The following STUM variants were observed in gnomAD, a reference collection of about 807,000 sequenced individuals.
The protein encoded by STUM is stum, mechanosensory transduction mediator homolog, also known as protein stum homolog.
A neutral mutation model predicts 15.3 loss-of-function variants in STUM; 8 were observed. The ratio of observed to expected loss-of-function variants is 0.52; its 90% CI spans 0.31 to 0.94. The LOEUF is 0.94. STUM is among the 40% of genes least tolerant of loss of function. The pLI is 0.05. For synonymous variants in STUM, 78 were observed against 88.7 expected (o/e 0.88, Z 0.68); for missense variants, 142 against 204.9 (o/e 0.69, Z 1.87).
chr1:226,578,026 G>T (rs1444272127), intron 1 of STUM, among the ~76,000 whole-genome samples: 4 of 152,152 alleles, frequency 2.6e-5, no homozygotes, highest in Non-Finnish European at 5.9e-5. Flanking sequence ...TGATGAGATA[G>T]TATCATGAGA....
At chr1:226,599,096 A>C (rs1343017465) in intron 2 of STUM, among the ~76,000 whole-genome samples, 1 of 152,172 alleles carries the variant, frequency 6.6e-6, no homozygotes. Flanking sequence ...AGAACACTGC[A>C]GGAAACACCC....
At chr1:226,594,415 ATG>A (rs1337157772) in intron 1 of STUM, among the ~76,000 whole-genome samples, 1 of 152,222 alleles carries the variant, frequency 6.6e-6, no homozygotes, top group Admixed American at 6.5e-5. Context: ...AACGTGAGGA[ATG>A]TGACAATGGT....
In STUM at chr1:226,600,519, T is replaced by C. The variant is rs991527786; in HGVS notation, c.383-147T>C. The C allele has an allele frequency of 3.2e-6, 3 of 926,778 alleles. No homozygotes were observed. The highest frequency in any genetic ancestry group is 1.9e-5 in the Admixed American group (1 of 52,646). The allele number at this position is 926,778 out of a possible 1,614,324, so 57.4% of individuals were successfully genotyped here. ...GATGGCGTCTGAGAAGCCACTGGCA[T>C]GGCCCCTGTCCCATCTCCCAGGCCT... On this transcript the variant is annotated intron_variant, in intron 2 of 3. Transcript: ENST00000366788. This position sits in a 1 kb window ranked among gnomAD's most constrained non-coding sequence, Gnocchi z 5.2.
At chr1:226,561,136 G>A (rs1446562677) in intron 1 of STUM, among the ~76,000 whole-genome samples, 2 of 152,142 alleles carry the variant, frequency 1.3e-5, no homozygotes, top group East Asian at 1.9e-4. Context: ...CATGTAGGAC[G>A]TTCCTCTTGC....
At chr1:226,561,647 A>G (rs901732738) in intron 1 of STUM, among the ~76,000 whole-genome samples, 1 of 152,196 alleles carries the variant, frequency 6.6e-6, no homozygotes, top group Non-Finnish European at 1.5e-5. Context: ...GTAGCTAACC[A>G]CTGATGAGTG....
At chr1:226,570,881 C>T (rs1225545750) in intron 1 of STUM, among the ~76,000 whole-genome samples, 1 of 152,096 alleles carries the variant, frequency 6.6e-6, no homozygotes, top group African/African-American at 2.4e-5. Flanking sequence ...GCATTTAATA[C>T]ATAGACTTTA....
At position 226,552,559 on chromosome 1, in the gene STUM, G is replaced by A. The variant is rs1023265769; in HGVS notation, c.202+3453G>A. Among the ~76,000 whole-genome samples the A allele has an allele frequency of 3.9e-5, 6 of 152,186 alleles. No homozygotes were observed. The East Asian group carries it at 5.8e-4, about 15-fold the overall frequency. On this transcript the variant is annotated intron_variant, in intron 1 of 3. Coordinates refer to ENST00000366788, the MANE Select transcript of STUM (RefSeq NM_001003665.4). The surrounding 1 kb of genome is among the most constrained non-coding windows in gnomAD (Gnocchi z 4.7). The stretch of plus-strand genomic sequence containing the variant: ...TATATCTATCTTGATTTGGTGAAAC[G>A]AAAATGTTGATATCTCAGTGACACG...
rs1437022643 is a variant in STUM at position 226,608,212 on chromosome 1, C to T, written c.*6172C>T. Reference sequence around the variant, plus strand: ...CCAGAGGAGAGGGGCAGTGTTCCCACCCACCTGCTCCAGCACAGGAACCAG... The same window carrying T: ...CCAGAGGAGAGGGGCAGTGTTCCCATCCACCTGCTCCAGCACAGGAACCAG... On this transcript the variant is annotated 3_prime_UTR_variant, in exon 4 of 4. Coordinates refer to ENST00000366788, the MANE Select transcript of STUM (RefSeq NM_001003665.4). The surrounding 1 kb of genome is among the most constrained non-coding windows in gnomAD (Gnocchi z 4.0). The T allele has an allele frequency of 6.6e-6, 1 of 152,288 alleles. No individual in the cohort carries two copies. The highest frequency in any genetic ancestry group is 1.5e-5 in the Non-Finnish European group (1 of 68,080). 9.4% of individuals were successfully genotyped at this position (152,288 alleles called of 1,614,324 possible). A position where few individuals can be genotyped will look rare whatever the true frequency, so the allele number is the denominator to read the frequency against.
chr1:226,549,573 A>G lies in STUM; in HGVS notation c.202+467A>G, dbSNP rs544023887. On this transcript the variant is annotated intron_variant, in intron 1 of 3. Coordinates refer to ENST00000366788, the MANE Select transcript of STUM (RefSeq NM_001003665.4). This position sits in a 1 kb window ranked among gnomAD's most constrained non-coding sequence, Gnocchi z 6.8. Reference sequence around the variant, plus strand: ...CGTCGAAGTCAGCTGAGCCGGGGAAAGAGGACGAGCCGGGCTAGATATACC... The same window carrying G: ...CGTCGAAGTCAGCTGAGCCGGGGAAGGAGGACGAGCCGGGCTAGATATACC... Among the ~76,000 whole-genome samples the G allele has an allele frequency of 8.5e-5, 13 of 152,310 alleles. No homozygotes were observed. Among genetic ancestry groups the G allele is most frequent in the Middle Eastern group, 3.4e-3 (1 of 294 alleles).
Position 226,567,005 on chromosome 1 carries a change from T to C in STUM, c.202+17899T>C, listed in dbSNP as rs778213612. Reference sequence around the variant, plus strand: ...CTCCATTGCTGCTTCCCGCAAATGCTGCAAATAAGATTCCAAGAATCCATG... The same window carrying C: ...CTCCATTGCTGCTTCCCGCAAATGCCGCAAATAAGATTCCAAGAATCCATG... On this transcript the variant is annotated intron_variant, in intron 1 of 3. Transcript: ENST00000366788. The surrounding 1 kb of genome is among the most constrained non-coding windows in gnomAD (Gnocchi z 4.5). 2.6e-5 allele frequency among the ~76,000 whole-genome samples: 4 copies of C among 152,232 alleles called. No individual in the cohort carries two copies. Among genetic ancestry groups the C allele is most frequent in the African/African-American group, 4.8e-5 (2 of 41,462 alleles).
intron 1 of STUM, among the ~76,000 whole-genome samples, chr1:226,564,013 C>T (rs575542150): frequency 3.9e-5 from 6 of 152,280 alleles, no homozygotes; most frequent in Non-Finnish European, 5.9e-5. Context: ...GTCTTGCGTC[C>T]GACTGCCCAT....
intron 1 of STUM, among the ~76,000 whole-genome samples, chr1:226,551,890 A>G (rs118078952): frequency 6.6e-6 from 1 of 152,216 alleles, no homozygotes; most frequent in East Asian, 1.9e-4. Flanking sequence ...GTTAGGTTAG[A>G]ACTTGCTGAG....
chr1:226,569,683 T>G (rs76607875), intron 1 of STUM, among the ~76,000 whole-genome samples: 1,578 of 152,132 alleles, frequency 0.01, 29 homozygotes, highest in African/African-American at 0.032. Flanking sequence ...TGAGAAACAC[T>G]CCTGGGGAAG....
At chr1:226,592,848 G>A (rs544492410) in intron 1 of STUM, among the ~76,000 whole-genome samples, 287 of 152,224 alleles carry the variant, frequency 1.9e-3, no homozygotes, top group Non-Finnish European at 2.5e-3. Flanking sequence ...CCTCAGCTGC[G>A]GCCTTCTCAT....
In STUM at chr1:226,600,769, C is replaced by A; in HGVS notation, c.391+95C>A. The A allele has an allele frequency of 7.3e-7, 1 of 1,363,724 alleles. No homozygotes were observed. The highest frequency in any genetic ancestry group is 1.0e-6 in the Non-Finnish European group (1 of 962,940). 84.5% of individuals were successfully genotyped at this position (1,363,724 alleles called of 1,614,324 possible). On this transcript the variant is annotated intron_variant, in intron 3 of 3. Coordinates refer to ENST00000366788, the MANE Select transcript of STUM (RefSeq NM_001003665.4). This position sits in a 1 kb window ranked among gnomAD's most constrained non-coding sequence, Gnocchi z 5.2. ...CTCCTGCACACAAACACCCCACCCA[C>A]TCTCCCAGTGGGTCAATGGGCTTTT...
At chr1:226,575,585 G>A (rs529611610) in intron 1 of STUM, among the ~76,000 whole-genome samples, 155 of 152,364 alleles carry the variant, frequency 1.0e-3, no homozygotes, top group Non-Finnish European at 1.8e-3. Context: ...TTCTGAACAG[G>A]GTTGGGGAGA....
At chr1:226,562,431 T>C (rs114123376) in intron 1 of STUM, among the ~76,000 whole-genome samples, 2,019 of 149,830 alleles carry the variant, frequency 0.013, 43 homozygotes, top group African/African-American at 0.043. Flanking sequence ...ATTGTGCCAC[T>C]GCACGCCCTC....
At position 226,574,538 on chromosome 1, in the gene STUM, G is replaced by A. The variant is rs113509275; in HGVS notation, c.203-22264G>A. Among the ~76,000 whole-genome samples the A allele has an allele frequency of 4.7e-3, 711 of 152,308 alleles. 10 individuals carry two copies. Among genetic ancestry groups the A allele is most frequent in the African/African-American group, 0.016 (672 of 41,556 alleles). On this transcript the variant is annotated intron_variant, in intron 1 of 3. Coordinates refer to ENST00000366788, the MANE Select transcript of STUM (RefSeq NM_001003665.4). ...AATCACTGTGACAGGGCAATGAGACGCTTGGATCGGCCAGACCTGTATCAT... is the reference window on the plus strand; with the variant it reads ...AATCACTGTGACAGGGCAATGAGACACTTGGATCGGCCAGACCTGTATCAT...
At chr1:226,598,195 C>G (rs562940951) in intron 2 of STUM, among the ~76,000 whole-genome samples, 60 of 152,284 alleles carry the variant, frequency 3.9e-4, no homozygotes, top group Non-Finnish European at 6.9e-4. Context: ...TCAGGTGACT[C>G]CTAAAAATTG....
Sources: allele counts gnomAD v4.1 joint callset (sites outside exome capture counted in the v4.1 genomes callset), GRCh38; gene constraint gnomAD v4.1.1; non-coding constraint Gnocchi (gnomAD v3.1); transcripts MANE v1.5; gene names NCBI Gene and HGNC (gene_info 2026-07-23, HGNC 2026-07-21).